SKIC3: variants seen among roughly 807,000 people sequenced by gnomAD.
The protein encoded by SKIC3 is superkiller complex protein 3.
At chr5:95,470,528 C>A in the SKIC3 span, among the ~76,000 whole-genome samples, 2 of 151,984 alleles carry the variant, frequency 1.3e-5, no homozygotes, top group East Asian at 3.9e-4. Flanking sequence ...ACCAAATATA[C>A]AAAACTCAAT....
At chr5:95,478,539 A>G in the SKIC3 span, 1 of 1,545,002 alleles carries the variant, frequency 6.5e-7, no homozygotes, top group Non-Finnish European at 8.9e-7. Flanking sequence ...TTGTCGTAGT[A>G]AAAATGTTTT....
chr5:95,543,565 C>A, the SKIC3 span, among the ~76,000 whole-genome samples: 1 of 152,112 alleles, frequency 6.6e-6, no homozygotes, highest in Non-Finnish European at 1.5e-5. Flanking sequence ...CCGAGGGATA[C>A]TGACACCTCC....
the SKIC3 span, chr5:95,484,822 T>G: frequency 1.2e-6 from 2 of 1,614,112 alleles, no homozygotes. Context: ...TGGTTGTAAT[T>G]TTCAAAGAAT....
chr5:95,509,893 T>A, the SKIC3 span, among the ~76,000 whole-genome samples: 1 of 152,196 alleles, frequency 6.6e-6, no homozygotes, highest in South Asian at 2.1e-4. Flanking sequence ...AATAGTTATA[T>A]TTGATTTTTA....
chr5:95,500,931 T>C, the SKIC3 span, among the ~76,000 whole-genome samples: 1,210 of 152,262 alleles, frequency 7.9e-3, 16 homozygotes, highest in African/African-American at 0.027. Context: ...TACTTCATTT[T>C]GACAAACAAG....
At chr5:95,529,607 C>A in the SKIC3 span, among the ~76,000 whole-genome samples, 1 of 152,144 alleles carries the variant, frequency 6.6e-6, no homozygotes, top group East Asian at 1.9e-4. Context: ...AGATTCATCT[C>A]TGCCTAAAAT....
At chr5:95,522,544 T>C in the SKIC3 span, among the ~76,000 whole-genome samples, 1 of 152,076 alleles carries the variant, frequency 6.6e-6, no homozygotes, top group African/African-American at 2.4e-5. Flanking sequence ...CTGAACAAAA[T>C]TTCTTTTCCT....
the SKIC3 span, chr5:95,543,324 C>G: frequency 1.9e-6 from 3 of 1,613,818 alleles, no homozygotes; most frequent in Non-Finnish European, 2.5e-6. Context: ...TGCTTTAACA[C>G]TGTCTGATTT....
the SKIC3 span, among the ~76,000 whole-genome samples, chr5:95,526,420 G>A: frequency 1.3e-5 from 2 of 151,714 alleles, no homozygotes; most frequent in South Asian, 4.1e-4. Flanking sequence ...AGATTCCCAA[G>A]GATACTTCAG....
At chr5:95,512,915 C>CA in the SKIC3 span, 3,864 of 266,840 alleles carry the variant, frequency 0.014, no homozygotes, top group South Asian at 0.025. Context: ...AAGGTCAGAC[C>CA]AAAAAAAAAA....
the SKIC3 span, chr5:95,520,571 T>G: frequency 1.5e-6 from 1 of 647,618 alleles, no homozygotes; most frequent in Non-Finnish European, 2.6e-6. Flanking sequence ...AACATGTATG[T>G]TATAGAATTG....
chr5:95,527,789 G>A, the SKIC3 span, among the ~76,000 whole-genome samples: 2 of 152,116 alleles, frequency 1.3e-5, no homozygotes, highest in Admixed American at 6.5e-5. Context: ...TAGAACTAAC[G>A]AAATAGTCTT....
At chr5:95,548,974 C>T in the SKIC3 span, among the ~76,000 whole-genome samples, 1 of 151,946 alleles carries the variant, frequency 6.6e-6, no homozygotes, top group East Asian at 1.9e-4. Flanking sequence ...CATGCAGCCC[C>T]CAAGCTATTT....
chr5:95,478,385 T>C, the SKIC3 span: 2 of 1,614,034 alleles, frequency 1.2e-6, no homozygotes, highest in African/African-American at 1.3e-5. Context: ...AGACTCTTTC[T>C]GTAACACATC....
At chr5:95,511,471 C>G in the SKIC3 span, among the ~76,000 whole-genome samples, 1 of 152,254 alleles carries the variant, frequency 6.6e-6, no homozygotes, top group African/African-American at 2.4e-5. Context: ...TCACATGCCA[C>G]ACCCACCCTA....
the SKIC3 span, chr5:95,547,166 A>C: frequency 6.2e-7 from 1 of 1,610,888 alleles, no homozygotes; most frequent in South Asian, 1.1e-5. Context: ...CAAGGCAGAA[A>C]GCCTGAGTAA....
At chr5:95,479,258 A>G in the SKIC3 span, among the ~76,000 whole-genome samples, 1 of 152,208 alleles carries the variant, frequency 6.6e-6, no homozygotes, top group Admixed American at 6.5e-5. Context: ...AATTTAACAC[A>G]AAAGTATAAA....
At chr5:95,482,510 G>C in the SKIC3 span, 2 of 1,613,870 alleles carry the variant, frequency 1.2e-6, no homozygotes, top group Non-Finnish European at 1.7e-6. Context: ...GGACATGACT[G>C]TTTTTTGTAG....
chr5:95,465,261 T>C, the SKIC3 span, among the ~76,000 whole-genome samples: 3 of 152,148 alleles, frequency 2.0e-5, no homozygotes, highest in Admixed American at 1.3e-4. Context: ...CTGCATAAAA[T>C]TAAAGGTTTT....
Sources: gnomAD v4.1 joint callset for allele counts (sites outside exome capture counted in the v4.1 genomes callset) on GRCh38, gnomAD v4.1.1 for gene constraint, MANE v1.5 for transcripts, NCBI Gene and HGNC (gene_info 2026-07-23, HGNC 2026-07-21) for gene names.